The following DNAJC1 variants were observed in gnomAD, a reference collection of about 807,000 sequenced individuals.
DNAJC1 encodes the protein dnaJ homolog subfamily C member 1.
DNAJC1 carries 58 observed loss-of-function variants against 76.6 expected under a neutral mutation model. That is an observed-to-expected ratio of 0.76 (90% CI 0.61 to 0.94). The LOEUF (loss-of-function observed/expected upper bound fraction) is 0.94. Ranked by LOEUF, DNAJC1 falls within the 40% of genes least tolerant of loss-of-function variation. The pLI, the probability that DNAJC1 is intolerant of heterozygous loss-of-function variation, is 0.00. For missense variants in DNAJC1, 689 were observed against 677.3 expected, an observed-to-expected ratio of 1.02 and a Z score of -0.19; for synonymous variants, 258 against 267.9, an observed-to-expected ratio of 0.96 and a Z score of 0.36.
intron 8 of DNAJC1, among the ~76,000 whole-genome samples, chr10:21,853,164 C>G (rs1835782723): frequency 6.6e-6 from 1 of 152,108 alleles, no homozygotes. Flanking sequence ...TGTTACCTAC[C>G]TTTCTTTCCA....
At chr10:21,836,827 G>A (rs1050943907) in intron 8 of DNAJC1, among the ~76,000 whole-genome samples, 2 of 152,148 alleles carry the variant, frequency 1.3e-5, no homozygotes, top group African/African-American at 4.8e-5. Context: ...GATTCATAAA[G>A]CAAGTCCTGA....
At chr10:21,963,304 C>A (rs1479733517) in intron 1 of DNAJC1, among the ~76,000 whole-genome samples, 1 of 152,152 alleles carries the variant, frequency 6.6e-6, no homozygotes, top group Non-Finnish European at 1.5e-5. Context: ...AAAGTAAAAG[C>A]TGCTAAGCGT....
At chr10:21,913,977 T>C (rs2131759663) in intron 6 of DNAJC1, among the ~76,000 whole-genome samples, 1 of 152,276 alleles carries the variant, frequency 6.6e-6, no homozygotes, top group East Asian at 1.9e-4. Flanking sequence ...GTCATCCATT[T>C]CACTCCTCTC....
chr10:21,908,035 TATA>T (rs566062401), intron 6 of DNAJC1, among the ~76,000 whole-genome samples: 65 of 113,100 alleles, frequency 5.7e-4, no homozygotes, highest in African/African-American at 1.4e-3. Context: ...AAATATATAA[TATA>T]ATATAATATA....
At chr10:21,891,167 GC>G (rs1195654227) in intron 7 of DNAJC1, among the ~76,000 whole-genome samples, 2 of 152,062 alleles carry the variant, frequency 1.3e-5, no homozygotes, top group Non-Finnish European at 2.9e-5. Context: ...TCCAGCCTGG[GC>G]AACAGAGTGA....
intron 7 of DNAJC1, among the ~76,000 whole-genome samples, chr10:21,898,407 T>C (rs1049635573): frequency 4.6e-5 from 7 of 152,174 alleles, no homozygotes; most frequent in African/African-American, 1.7e-4. Flanking sequence ...GCGCAATGCA[T>C]TACTCATGTG....
chr10:21,828,603 A>G (rs1238801379), intron 8 of DNAJC1, among the ~76,000 whole-genome samples: 1 of 152,212 alleles, frequency 6.6e-6, no homozygotes, highest in Admixed American at 6.5e-5. Context: ...AACATAATAA[A>G]TCCTCATGTA....
In DNAJC1 at chr10:21,834,753, G is replaced by A. The variant is rs11012799; in HGVS notation, c.979-28654C>T. Among the ~76,000 whole-genome samples, 530 of 152,350 alleles carry A rather than the reference G, an allele frequency of 3.5e-3. 1 individual carries two copies. Among genetic ancestry groups the A allele is most frequent in the African/African-American group, 0.012 (512 of 41,574 alleles). ...ACAGCAGTCTGAGATCAAACTGCAAGGTGGCAGCGAGGCTGGGGGAGGGGC... is the reference window on the plus strand; with the variant it reads ...ACAGCAGTCTGAGATCAAACTGCAAAGTGGCAGCGAGGCTGGGGGAGGGGC... On this transcript the variant is annotated intron_variant, in intron 8 of 11. Transcript: ENST00000376980.
chr10:21,826,165 G>A (rs1382555400), intron 8 of DNAJC1, among the ~76,000 whole-genome samples: 3 of 139,468 alleles, frequency 2.2e-5, no homozygotes, highest in Admixed American at 1.6e-4. Flanking sequence ...TTGAACCTGG[G>A]AGGCAGAGGT....
intron 8 of DNAJC1, among the ~76,000 whole-genome samples, chr10:21,849,515 T>A (rs576255081): frequency 1.3e-5 from 2 of 151,772 alleles, no homozygotes; most frequent in African/African-American, 4.8e-5. Flanking sequence ...GACAAGCCAA[T>A]ACTGACAGGG....
rs1304470662 is a variant in DNAJC1 at position 21,954,228 on chromosome 10, TG to T, written c.223-25088del. On this transcript the variant is annotated intron_variant, in intron 1 of 11. Coordinates refer to ENST00000376980, the MANE Select transcript of DNAJC1 (RefSeq NM_022365.4). ...ATAAAAAGAGGAAATAAAATTATGA[TG>T]TGACTAAATTAAGTATTTTCTCTTG... is the stretch of plus-strand genomic sequence containing the variant. 3.9e-5 allele frequency among the ~76,000 whole-genome samples: 6 copies of T among 152,332 alleles called. No individual in the cohort carries two copies. In the East Asian group the frequency reaches 9.6e-4, roughly 24 times the overall value.
At chr10:21,913,116 T>C (rs1242198714) in intron 6 of DNAJC1, among the ~76,000 whole-genome samples, 1 of 152,058 alleles carries the variant, frequency 6.6e-6, no homozygotes, top group Admixed American at 6.6e-5. Context: ...AAACTTCCTA[T>C]GACAATTTTT....
chr10:21,927,805 G>A (rs892185780), intron 3 of DNAJC1, among the ~76,000 whole-genome samples: 1 of 152,108 alleles, frequency 6.6e-6, no homozygotes, highest in Non-Finnish European at 1.5e-5. Flanking sequence ...TAGAGGAAAG[G>A]GGCCTCTGTG....
At chr10:21,905,802 C>G (rs918520558) in intron 6 of DNAJC1, among the ~76,000 whole-genome samples, 5 of 152,012 alleles carry the variant, frequency 3.3e-5, no homozygotes, top group African/African-American at 1.2e-4. Context: ...GGCCTGATGA[C>G]TAACTAAGGT....
chr10:21,831,029 A>G (rs1007728204), intron 8 of DNAJC1, among the ~76,000 whole-genome samples: 1 of 151,688 alleles, frequency 6.6e-6, no homozygotes, highest in East Asian at 1.9e-4. Context: ...TGTAATGCCA[A>G]TTTTCTTCTT....
intron 11 of DNAJC1, among the ~76,000 whole-genome samples, chr10:21,758,060 G>A (rs900979391): frequency 6.6e-5 from 10 of 152,140 alleles, no homozygotes; most frequent in Non-Finnish European, 1.2e-4. Flanking sequence ...GAGAATCTGC[G>A]CTTCTCAAAT....
intron 6 of DNAJC1, among the ~76,000 whole-genome samples, chr10:21,918,378 T>TA: frequency 6.7e-6 from 1 of 150,370 alleles, no homozygotes; most frequent in East Asian, 1.9e-4. Flanking sequence ...ATGTAAAGTT[T>TA]TTTTTTTTTT....
At chr10:21,873,107 C>T (rs1203407036) in intron 8 of DNAJC1, among the ~76,000 whole-genome samples, 2 of 152,066 alleles carry the variant, frequency 1.3e-5, no homozygotes, top group African/African-American at 2.4e-5. Context: ...GTCACGTACC[C>T]CCTGCTTGCT....
intron 9 of DNAJC1, among the ~76,000 whole-genome samples, chr10:21,767,137 A>G (rs1834310503): frequency 6.6e-6 from 1 of 152,136 alleles, no homozygotes; most frequent in South Asian, 2.1e-4. Flanking sequence ...TTATAAGATA[A>G]AAGTCCTTCC....
Sources: gnomAD v4.1 joint callset for allele counts (sites outside exome capture counted in the v4.1 genomes callset) on GRCh38, gnomAD v4.1.1 for gene constraint, MANE v1.5 for transcripts, NCBI Gene and HGNC (gene_info 2026-07-23, HGNC 2026-07-21) for gene names.